Variants in VPS13B observed in about 807,000 individuals in gnomAD.
VPS13B encodes intermembrane lipid transfer protein VPS13B.
Under a neutral mutation model 426.4 loss-of-function variants are expected in VPS13B, and 285 were observed. That is an observed-to-expected ratio of 0.67 (90% CI 0.61 to 0.74). The LOEUF (loss-of-function observed/expected upper bound fraction) is 0.74, where lower values mean the gene tolerates loss of function less well. VPS13B is among the 30% of genes least tolerant of loss of function. The probability of loss-of-function intolerance (pLI) is 0.00; values close to 1 mark genes in which losing one functional copy is unlikely to be tolerated. For missense variants in VPS13B, 4,537 were observed against 4,782.6 expected, an observed-to-expected ratio of 0.95 and a Z score of 1.51; for synonymous variants, 1,676 against 1,676.4, an observed-to-expected ratio of 1.00 and a Z score of 0.01.
chr8:99,359,221 A>G (rs996165754), intron 19 of VPS13B, among the ~76,000 whole-genome samples: 2 of 152,186 alleles, frequency 1.3e-5, no homozygotes, highest in African/African-American at 4.8e-5. Flanking sequence ...AGAATTTTAT[A>G]GTCATAAAAT....
intron 23 of VPS13B, among the ~76,000 whole-genome samples, chr8:99,443,674 A>G (rs1435617401): frequency 1.3e-5 from 2 of 152,194 alleles, no homozygotes; most frequent in Admixed American, 6.5e-5. Context: ...GCTGAATAGT[A>G]TTCCATCTTA....
intron 35 of VPS13B, among the ~76,000 whole-genome samples, chr8:99,678,810 T>A (rs1233840801): frequency 1.3e-5 from 2 of 152,200 alleles, no homozygotes; most frequent in South Asian, 2.1e-4. Context: ...TCAGTAGTAT[T>A]GCTCATTCAA....
intron 17 of VPS13B, among the ~76,000 whole-genome samples, chr8:99,223,732 A>G (rs1815858467): frequency 6.6e-6 from 1 of 152,210 alleles, no homozygotes; most frequent in African/African-American, 2.4e-5. Flanking sequence ...TCTACAAAGA[A>G]CGTATTTTCA....
At chr8:99,558,339 C>T (rs564215251) in intron 31 of VPS13B, among the ~76,000 whole-genome samples, 54 of 152,254 alleles carry the variant, frequency 3.5e-4, no homozygotes, top group African/African-American at 1.3e-3. Context: ...CTGTAACTGT[C>T]ATAACCCACC....
chr8:99,149,535 C>G (rs1810940693), intron 14 of VPS13B, among the ~76,000 whole-genome samples: 1 of 151,840 alleles, frequency 6.6e-6, no homozygotes, highest in Non-Finnish European at 1.5e-5. Context: ...TCAGGCAGGT[C>G]TTGAACTCCT....
chr8:99,643,585 C>A (rs896315088), intron 34 of VPS13B, among the ~76,000 whole-genome samples: 1 of 152,088 alleles, frequency 6.6e-6, no homozygotes, highest in Non-Finnish European at 1.5e-5. Flanking sequence ...CCTAGGGTTA[C>A]CCCCAGGCTG....
intron 31 of VPS13B, among the ~76,000 whole-genome samples, chr8:99,560,960 C>G (rs1210089731): frequency 1.3e-5 from 2 of 152,130 alleles, no homozygotes; most frequent in African/African-American, 4.8e-5. Context: ...AGTTGTATCT[C>G]TCCTATTTGT....
chr8:99,377,008 A>G (rs1474644158), intron 19 of VPS13B, among the ~76,000 whole-genome samples: 1 of 152,106 alleles, frequency 6.6e-6, no homozygotes, highest in Non-Finnish European at 1.5e-5. Context: ...AAATTATATA[A>G]TGAATATCAT....
At chr8:99,422,151 C>A (rs1201591257) in intron 21 of VPS13B, among the ~76,000 whole-genome samples, 3 of 152,076 alleles carry the variant, frequency 2.0e-5, no homozygotes, top group African/African-American at 7.2e-5. Context: ...TTCTTTTTTA[C>A]AAACTTGACT....
In VPS13B at chr8:99,327,878, G is replaced by T. The variant is rs574543157; in HGVS notation, c.2824+52624G>T. 2.6e-5 allele frequency among the ~76,000 whole-genome samples: 4 copies of T among 152,186 alleles called. No individual in the cohort carries two copies. The South Asian group carries it at 8.3e-4, about 32-fold the overall frequency. ...CATCCTGTTTTTCTTGATTTATAAT[G>T]TAACAGAATATTCTCAAACAATACA... On this transcript the variant is annotated intron_variant, in intron 19 of 61. Coordinates refer to ENST00000357162, the MANE Select transcript of VPS13B (RefSeq NM_152564.5).
At chr8:99,645,513 A>T (rs1368660033) in intron 34 of VPS13B, among the ~76,000 whole-genome samples, 3 of 152,166 alleles carry the variant, frequency 2.0e-5, no homozygotes, top group Non-Finnish European at 4.4e-5. Context: ...CTGTTTTCTT[A>T]TCTGTAAAAT....
intron 56 of VPS13B, among the ~76,000 whole-genome samples, chr8:99,855,680 C>T (rs1261873799): frequency 6.6e-6 from 1 of 152,108 alleles, no homozygotes; most frequent in Non-Finnish European, 1.5e-5. Flanking sequence ...CAGCAGTAAA[C>T]GACCTGTGTT....
chr8:99,168,252 A>G (rs1812126420), intron 15 of VPS13B, among the ~76,000 whole-genome samples: 1 of 152,098 alleles, frequency 6.6e-6, no homozygotes, highest in African/African-American at 2.4e-5. Context: ...AAAGTATAAT[A>G]AAGACTTTTA....
chr8:99,428,205 A>G (rs1053959025), intron 21 of VPS13B, among the ~76,000 whole-genome samples: 2 of 152,254 alleles, frequency 1.3e-5, no homozygotes, highest in East Asian at 3.8e-4. Context: ...CCTAGGCAGT[A>G]CCATTCAGGA....
intron 6 of VPS13B, among the ~76,000 whole-genome samples, chr8:99,113,965 C>CAAAAA (rs1188548778): frequency 6.6e-6 from 1 of 151,924 alleles, no homozygotes; most frequent in Non-Finnish European, 1.5e-5. Context: ...GAGATACATA[C>CAAAAA]GTTCTGGTGA....
intron 47 of VPS13B, among the ~76,000 whole-genome samples, 190 bp downstream of exon 47, chr8:99,819,078 A>G (rs1255795632): frequency 6.6e-6 from 1 of 152,190 alleles, no homozygotes; most frequent in African/African-American, 2.4e-5. Flanking sequence ...TCTTATTCTC[A>G]TCTGTAGTTT....
At position 99,875,791 on chromosome 8, in the gene VPS13B, C is replaced by A; in HGVS notation, c.*125C>A. 1 of 1,284,220 alleles carries A rather than the reference C, an allele frequency of 7.8e-7. No individual in the cohort carries two copies. The highest frequency in any genetic ancestry group is 1.3e-5 in the South Asian group (1 of 79,842). 79.6% of individuals were successfully genotyped at this position (1,284,220 alleles called of 1,614,324 possible). Reference sequence around the variant, plus strand: ...GGTTCAAGCAATCCTCCCACCTCAACCCACAAGTAGCTACGACTGCAAGCA... The same window carrying A: ...GGTTCAAGCAATCCTCCCACCTCAAACCACAAGTAGCTACGACTGCAAGCA... On this transcript the variant is annotated 3_prime_UTR_variant, in exon 62 of 62. Coordinates refer to ENST00000357162, the MANE Select transcript of VPS13B (RefSeq NM_152564.5).
chr8:99,432,568 A>G (rs1817170532), intron 22 of VPS13B, among the ~76,000 whole-genome samples: 1 of 152,194 alleles, frequency 6.6e-6, no homozygotes, highest in South Asian at 2.1e-4. Flanking sequence ...ATAAAAAGGA[A>G]AACATAGCTA....
intron 19 of VPS13B, among the ~76,000 whole-genome samples, chr8:99,361,067 A>G (rs778639657): frequency 4.6e-5 from 7 of 152,182 alleles, no homozygotes; most frequent in Non-Finnish European, 1.0e-4. Flanking sequence ...GTAACTTTGA[A>G]ATGTTACCAC....
Sources: allele counts gnomAD v4.1 joint callset (sites outside exome capture counted in the v4.1 genomes callset), GRCh38; gene constraint gnomAD v4.1.1; transcripts MANE v1.5; gene names NCBI Gene and HGNC (gene_info 2026-07-23, HGNC 2026-07-21).